AKAP6: variants seen among roughly 807,000 people sequenced by gnomAD.
AKAP6 encodes A-kinase anchor protein 6.
A neutral mutation model predicts 188.5 loss-of-function variants in AKAP6; 58 were observed. The observed-to-expected ratio is 0.31, with a 90% confidence interval of 0.25 to 0.38. The LOEUF (loss-of-function observed/expected upper bound fraction) is 0.38, where lower values mean the gene tolerates loss of function less well. Among genes scored for constraint, AKAP6 ranks in the 10% least tolerant of loss-of-function variants. The probability of loss-of-function intolerance (pLI) is 1.00; values close to 1 mark genes in which losing one functional copy is unlikely to be tolerated. For missense variants in AKAP6, 2,710 were observed against 2,740.0 expected (o/e 0.99, Z 0.24); for synonymous variants, 989 against 998.6 (o/e 0.99, Z 0.18).
chr14:32,769,992 C>G (rs1389433711), intron 11 of AKAP6, among the ~76,000 whole-genome samples: 1 of 152,162 alleles, frequency 6.6e-6, no homozygotes, highest in Admixed American at 6.5e-5. Flanking sequence ...AAAGTCTTAA[C>G]TTCAATGGTG....
chr14:32,638,592 G>T (rs1887617867), intron 7 of AKAP6, among the ~76,000 whole-genome samples: 2 of 152,012 alleles, frequency 1.3e-5, no homozygotes, highest in Non-Finnish European at 2.9e-5. Context: ...CTAATGGCCT[G>T]ATCCAAACAA....
intron 9 of AKAP6, among the ~76,000 whole-genome samples, chr14:32,717,652 A>T (rs1477982409): frequency 6.6e-6 from 1 of 151,374 alleles, no homozygotes; most frequent in Non-Finnish European, 1.5e-5. Flanking sequence ...TTTCTCTTCG[A>T]TGTAAGAGAA....
chr14:32,641,038 A>G (rs1054776182), intron 7 of AKAP6, among the ~76,000 whole-genome samples: 2 of 152,174 alleles, frequency 1.3e-5, no homozygotes, highest in Admixed American at 1.3e-4. Flanking sequence ...AAGGCACATC[A>G]TGGATACCAT....
At chr14:32,415,573 A>G (rs760843347) in intron 1 of AKAP6, among the ~76,000 whole-genome samples, 17 of 152,200 alleles carry the variant, frequency 1.1e-4, no homozygotes, top group Non-Finnish European at 2.4e-4. Flanking sequence ...TGAAGTGTAC[A>G]GTTCAAAGGT....
At chr14:32,663,550 G>A (rs991984510) in intron 7 of AKAP6, among the ~76,000 whole-genome samples, 4 of 152,072 alleles carry the variant, frequency 2.6e-5, no homozygotes, top group African/African-American at 9.7e-5. Context: ...CACTTAAACT[G>A]AAACTTAAAG....
chr14:32,590,844 G>A (rs763426620), intron 5 of AKAP6, among the ~76,000 whole-genome samples: 12 of 152,028 alleles, frequency 7.9e-5, no homozygotes, highest in African/African-American at 2.7e-4. Context: ...ATATGAAGAC[G>A]GTATGACTAG....
intron 1 of AKAP6, among the ~76,000 whole-genome samples, chr14:32,421,928 G>A (rs144474625): frequency 0.029 from 4,459 of 152,270 alleles, 254 homozygotes; most frequent in Admixed American, 0.15. Flanking sequence ...CATTCAGAAT[G>A]TCTGCATTAA....
intron 2 of AKAP6, among the ~76,000 whole-genome samples, chr14:32,529,794 A>T (rs137935246): frequency 8.9e-4 from 135 of 152,260 alleles, no homozygotes; most frequent in Admixed American, 6.1e-3. Flanking sequence ...TTTTTTGTAT[A>T]AAGTTGCAAT....
At chr14:32,352,797 C>A (rs1418684634) in intron 1 of AKAP6, among the ~76,000 whole-genome samples, 1 of 152,152 alleles carries the variant, frequency 6.6e-6, no homozygotes, top group East Asian at 1.9e-4. Flanking sequence ...CATTATTCAT[C>A]CATTGATGGA....
intron 2 of AKAP6, among the ~76,000 whole-genome samples, chr14:32,480,420 T>C (rs575654083): frequency 1.3e-5 from 2 of 152,288 alleles, no homozygotes; most frequent in Non-Finnish European, 2.9e-5. Flanking sequence ...GTATGCAGGA[T>C]CCAAAGGACT....
At chr14:32,480,049 A>G (rs1879259836) in intron 2 of AKAP6, among the ~76,000 whole-genome samples, 1 of 152,116 alleles carries the variant, frequency 6.6e-6, no homozygotes, top group African/African-American at 2.4e-5. Flanking sequence ...GTGAGAGGAG[A>G]AAACAGTATC....
chr14:32,426,566 G>A (rs370229204), intron 1 of AKAP6, among the ~76,000 whole-genome samples: 2 of 152,272 alleles, frequency 1.3e-5, no homozygotes, highest in East Asian at 3.9e-4. Flanking sequence ...TCTCTGTCAT[G>A]ACAATTTCTT....
intron 2 of AKAP6, among the ~76,000 whole-genome samples, chr14:32,528,600 G>A (rs1243097822): frequency 1.3e-5 from 2 of 152,064 alleles, no homozygotes; most frequent in African/African-American, 2.4e-5. Context: ...CTTGAAGTTG[G>A]GTAATGTTAG....
At chr14:32,790,187 G>A (rs2033565749) in intron 12 of AKAP6, among the ~76,000 whole-genome samples, 1 of 152,114 alleles carries the variant, frequency 6.6e-6, no homozygotes, top group South Asian at 2.1e-4. Context: ...GAACAAAAAG[G>A]AATGAACAAA....
At chr14:32,788,166 C>T (rs971809075) in intron 12 of AKAP6, among the ~76,000 whole-genome samples, 4 of 151,382 alleles carry the variant, frequency 2.6e-5, no homozygotes, top group African/African-American at 9.7e-5. Context: ...TTCCAGTAGA[C>T]AGAGTAGATT....
intron 2 of AKAP6, among the ~76,000 whole-genome samples, chr14:32,462,300 G>T (rs1891353694): frequency 6.6e-6 from 1 of 152,124 alleles, no homozygotes; most frequent in Non-Finnish European, 1.5e-5. Context: ...AGGTTGTAAT[G>T]AAGGAAAAAA....
intron 2 of AKAP6, among the ~76,000 whole-genome samples, chr14:32,446,513 A>T (rs959208397): frequency 1.3e-5 from 2 of 152,118 alleles, no homozygotes; most frequent in Non-Finnish European, 2.9e-5. Flanking sequence ...TTTCAAAAAA[A>T]AATTTATTTT....
chr14:32,801,711 G>A (rs926245898), intron 12 of AKAP6, among the ~76,000 whole-genome samples: 2 of 152,100 alleles, frequency 1.3e-5, no homozygotes, highest in Admixed American at 6.5e-5. Context: ...AACCACCCAG[G>A]TTTTGTTTGT....
chr14:32,417,704 T>C (rs1305085891), intron 1 of AKAP6: 3 of 152,232 alleles, frequency 2.0e-5, no homozygotes, highest in Non-Finnish European at 2.9e-5. Context: ...AAGTTTTTCT[T>C]TAAAATTTTT....
Sources: gnomAD v4.1 joint callset for allele counts (sites outside exome capture counted in the v4.1 genomes callset) on GRCh38, gnomAD v4.1.1 for gene constraint, MANE v1.5 for transcripts, NCBI Gene and HGNC (gene_info 2026-07-23, HGNC 2026-07-21) for gene names.